The following CDH4 variants were observed in gnomAD, a reference collection of about 807,000 sequenced individuals.
CDH4 encodes the protein cadherin 4.
Under a neutral mutation model 86.0 loss-of-function variants are expected in CDH4, and 33 were observed. That is an observed-to-expected ratio of 0.38 (90% CI 0.29 to 0.51). The LOEUF is 0.51. CDH4 is among the 20% of genes least tolerant of loss of function. The probability of loss-of-function intolerance (pLI) is 0.86; values close to 1 mark genes in which losing one functional copy is unlikely to be tolerated. For synonymous variants in CDH4, 555 were observed against 549.4 expected, an observed-to-expected ratio of 1.01 and a Z score of -0.14; for missense variants, 1,114 against 1,307.4, an observed-to-expected ratio of 0.85 and a Z score of 2.28.
chr20:61,837,483 C>T (rs898410844), intron 4 of CDH4, among the ~76,000 whole-genome samples: 1 of 152,216 alleles, frequency 6.6e-6, no homozygotes, highest in Admixed American at 6.5e-5. Flanking sequence ...GGCCTCAGTC[C>T]CTCCATCTTC....
chr20:61,510,206 C>T lies in CDH4; in HGVS notation c.170-233357C>T, dbSNP rs1020450260. On this transcript the variant is annotated intron_variant, in intron 2 of 15. Coordinates refer to ENST00000614565, the MANE Select transcript of CDH4 (RefSeq NM_001794.5). This position sits in a 1 kb window ranked among gnomAD's most constrained non-coding sequence, Gnocchi z 4.2. ...GATTTGCAATATGCCAGCATCTATG[C>T]GCTCAGCACTCCCGCTCGTGGAGCT... Among the ~76,000 whole-genome samples the T allele has an allele frequency of 3.3e-5, 5 of 152,180 alleles. No homozygotes were observed. The highest frequency in any genetic ancestry group is 1.2e-4 in the African/African-American group (5 of 41,442).
At chr20:61,885,415 G>A (rs770088905) in intron 7 of CDH4, among the ~76,000 whole-genome samples, 4 of 152,246 alleles carry the variant, frequency 2.6e-5, no homozygotes, top group East Asian at 1.9e-4. Flanking sequence ...ATGGCGTTTC[G>A]TGTCTGGTGT....
chr20:61,634,916 T>A (rs1443696214), intron 2 of CDH4, among the ~76,000 whole-genome samples: 2 of 152,192 alleles, frequency 1.3e-5, no homozygotes, highest in African/African-American at 4.8e-5. Flanking sequence ...ATTGCCCTCT[T>A]GTGACCGGCT....
At position 61,708,159 on chromosome 20, in the gene CDH4, C is replaced by T. The variant is rs1023730191; in HGVS notation, c.170-35404C>T. ...GCACAGCAGTGGTTTCAGGCAACAG[C>T]CCGGGAGGAAAACCTAGGAAGAAGG... is the stretch of plus-strand genomic sequence containing the variant. On this transcript the variant is annotated intron_variant, in intron 2 of 15. Transcript: ENST00000614565. This position sits in a 1 kb window ranked among gnomAD's most constrained non-coding sequence, Gnocchi z 4.5. Among the ~76,000 whole-genome samples, 2 of 152,116 alleles carry T rather than the reference C, an allele frequency of 1.3e-5. No homozygotes were observed. Among genetic ancestry groups the T allele is most frequent in the East Asian group, 3.9e-4 (2 of 5,186 alleles).
intron 4 of CDH4, among the ~76,000 whole-genome samples, chr20:61,804,607 T>C (rs1980027183): frequency 6.6e-6 from 1 of 152,182 alleles, no homozygotes; most frequent in African/African-American, 2.4e-5. Context: ...TCCTGTCTCC[T>C]CTGTGGACCT....
intron 2 of CDH4, among the ~76,000 whole-genome samples, chr20:61,335,155 T>C (rs1466669256): frequency 2.6e-5 from 4 of 152,168 alleles, no homozygotes; most frequent in Non-Finnish European, 4.4e-5. Context: ...CAAATGTCAA[T>C]ATATTGATAT....
intron 2 of CDH4, among the ~76,000 whole-genome samples, chr20:61,263,505 T>C (rs1468310622): frequency 2.6e-5 from 4 of 152,210 alleles, no homozygotes; most frequent in African/African-American, 9.6e-5. Context: ...CATTTAACGC[T>C]GTCAGGAGAC....
At position 61,284,685 on chromosome 20, in the gene CDH4, A is replaced by G. The variant is rs989932638; in HGVS notation, c.169+29748A>G. Among the ~76,000 whole-genome samples, 4 of 152,358 alleles carry G rather than the reference A, an allele frequency of 2.6e-5. No individual in the cohort carries two copies. In the East Asian group the frequency reaches 5.8e-4, roughly 22 times the overall value. On this transcript the variant is annotated intron_variant, in intron 2 of 15. Coordinates refer to ENST00000614565, the MANE Select transcript of CDH4 (RefSeq NM_001794.5). ...AGGGAATCTGTTTTATCCAAGGATC[A>G]TTAGTTATATTGATAAATAGGCAAA...
chr20:61,337,570 T>C (rs995240302), intron 2 of CDH4, among the ~76,000 whole-genome samples: 2 of 152,056 alleles, frequency 1.3e-5, no homozygotes, highest in African/African-American at 4.8e-5. Context: ...GTATAGATAC[T>C]TCCTGGGTCT....
chr20:61,385,782 C>T (rs1438741451), intron 2 of CDH4, among the ~76,000 whole-genome samples: 1 of 152,120 alleles, frequency 6.6e-6, no homozygotes, highest in Non-Finnish European at 1.5e-5. Context: ...TGGGAGAAGC[C>T]GTACTCCCCT....
intron 3 of CDH4, among the ~76,000 whole-genome samples, chr20:61,768,937 A>G (rs1003580649): frequency 1.3e-5 from 2 of 152,236 alleles, no homozygotes; most frequent in Admixed American, 1.3e-4. Flanking sequence ...TTTAAAACTC[A>G]GAGTCTGAGA....
intron 9 of CDH4, among the ~76,000 whole-genome samples, chr20:61,917,779 T>C (rs1181248023): frequency 1.3e-5 from 2 of 152,274 alleles, no homozygotes; most frequent in Admixed American, 1.3e-4. Context: ...CCAGCCACCC[T>C]AATCGAAACT....
chr20:61,626,493 G>C (rs921904866), intron 2 of CDH4, among the ~76,000 whole-genome samples: 3 of 152,110 alleles, frequency 2.0e-5, no homozygotes, highest in Non-Finnish European at 4.4e-5. Flanking sequence ...TGCGTTGTGG[G>C]GGGTGGGGGT....
At chr20:61,436,018 C>G (rs957099217) in intron 2 of CDH4, among the ~76,000 whole-genome samples, 1 of 152,148 alleles carries the variant, frequency 6.6e-6, no homozygotes, top group Admixed American at 6.5e-5. Context: ...ACCACAGGAC[C>G]TTTGCACATG....
intron 7 of CDH4, among the ~76,000 whole-genome samples, chr20:61,884,556 C>T (rs1453777897): frequency 6.6e-6 from 1 of 152,070 alleles, no homozygotes; most frequent in African/African-American, 2.4e-5. Flanking sequence ...GGTGATCTCT[C>T]GGTGACAGCC....
intron 4 of CDH4, among the ~76,000 whole-genome samples, chr20:61,813,697 G>A (rs191701962): frequency 2.0e-5 from 3 of 152,218 alleles, no homozygotes; most frequent in Admixed American, 2.0e-4. Flanking sequence ...CTCTTTCGGG[G>A]CTCCAGCTTA....
chr20:61,406,391 G>GTCTGCTCTGCCCAGACCACCA (rs2085082716), intron 2 of CDH4, among the ~76,000 whole-genome samples: 1 of 96,586 alleles, frequency 1.0e-5, no homozygotes, highest in Non-Finnish European at 2.1e-5. Context: ...CCGGACCACT[G>GTCTGCTCTGCCCAGACCACCA]TCTGCTCTGC....
At chr20:61,787,372 A>C (rs1978939988) in intron 4 of CDH4, among the ~76,000 whole-genome samples, 1 of 152,220 alleles carries the variant, frequency 6.6e-6, no homozygotes, top group Non-Finnish European at 1.5e-5. Context: ...ACATGATGGC[A>C]GAAAGGAGAA....
chr20:61,520,030 G>A (rs957472944), intron 2 of CDH4, among the ~76,000 whole-genome samples: 1 of 152,170 alleles, frequency 6.6e-6, no homozygotes, highest in Non-Finnish European at 1.5e-5. Context: ...ACTTGCGTGT[G>A]TCAGTTTCTA....
Sources: gnomAD v4.1 joint callset for allele counts (sites outside exome capture counted in the v4.1 genomes callset) on GRCh38, gnomAD v4.1.1 for gene constraint, Gnocchi (gnomAD v3.1) non-coding constraint, MANE v1.5 for transcripts, NCBI Gene and HGNC (gene_info 2026-07-23, HGNC 2026-07-21) for gene names.